DST: variants seen among roughly 807,000 people sequenced by gnomAD.
The protein encoded by DST is bullous pemphigoid antigen.
A neutral mutation model predicts 875.2 loss-of-function variants in DST; 253 were observed. That is an observed-to-expected ratio of 0.29 (90% confidence interval 0.26 to 0.32). DST has a LOEUF of 0.32. Among genes scored for constraint, DST ranks in the 10% least tolerant of loss-of-function variants. DST has a pLI of 1.00. For missense variants in DST, 8,287 were observed against 9,111.6 expected (o/e 0.91, Z 3.68); for synonymous variants, 3,124 against 3,197.1 (o/e 0.98, Z 0.77).
intron 4 of DST, 94 bp from the exon 5 acceptor site, chr6:56,735,383 A>G (rs1459782862): frequency 1.3e-6 from 1 of 789,896 alleles, no homozygotes; most frequent in Non-Finnish European, 2.0e-6. Context: ...GAGATATTTA[A>G]AAGATATGCT....
At position 56,627,235 on chromosome 6, in the gene DST, T is replaced by G. The variant is rs2098743117; in HGVS notation, c.4691A>C (p.Lys1564Thr). The change falls in exon 34 of 104, where the codon AAA (lysine) becomes ACA (threonine). Residue 1564 changes from lysine to threonine, a missense_variant. By Grantham distance (78) the Lys-to-Thr change is moderately conservative (BLOSUM62 -1). This residue lies in a region of DST where 3,138 missense variants were observed against 3,116.6 expected (regional missense o/e 1.01). Transcript: ENST00000680361. ...MKQSKMDECQ[K>T]YAEQYSATVK... ...TGTAGCTGAGTACTGTTCTGCATATTTTTGACACTCGTCCATTTTGCTCTG... is the reference window on the plus strand; with the variant it reads ...TGTAGCTGAGTACTGTTCTGCATATGTTTGACACTCGTCCATTTTGCTCTG... 4 of 1,612,994 alleles carry G rather than the reference T, an allele frequency of 2.5e-6. No homozygotes were observed. The highest frequency in any genetic ancestry group is 3.4e-6 in the Non-Finnish European group (4 of 1,179,474).
chr6:56,471,831 C>A (rs944845819), intron 94 of DST: 7 of 565,960 alleles, frequency 1.2e-5, no homozygotes, highest in African/African-American at 5.6e-5. Context: ...AAAACATAAT[C>A]ATTTTTTTTA....
chr6:56,788,602 G>C (rs1454904735), intron 4 of DST, among the ~76,000 whole-genome samples: 1 of 152,220 alleles, frequency 6.6e-6, no homozygotes, highest in Admixed American at 6.5e-5. Context: ...TTTTGTTACA[G>C]TGGCTACAGC....
At chr6:56,889,059 T>C (rs558698812) in intron 3 of DST, among the ~76,000 whole-genome samples, 85 of 152,304 alleles carry the variant, frequency 5.6e-4, no homozygotes, top group African/African-American at 2.0e-3. Context: ...TATTTCTGAG[T>C]GAAGAGTTGG....
intron 69 of DST, among the ~76,000 whole-genome samples, chr6:56,520,366 G>A (rs143030401): frequency 2.0e-5 from 3 of 152,262 alleles, no homozygotes; most frequent in Admixed American, 6.5e-5. Flanking sequence ...TTATAGAAAT[G>A]GAGAATAGCT....
intron 49 of DST, among the ~76,000 whole-genome samples, chr6:56,582,681 G>C (rs368418971): frequency 7.5e-4 from 113 of 151,478 alleles, no homozygotes; most frequent in African/African-American, 2.5e-3. Context: ...TGCCATGCTG[G>C]TGTGCTGCAC....
intron 55 of DST, among the ~76,000 whole-genome samples, chr6:56,564,502 A>G (rs1328848161): frequency 6.6e-6 from 1 of 152,170 alleles, no homozygotes; most frequent in Non-Finnish European, 1.5e-5. Context: ...TAAATATATA[A>G]TTATGTCATC....
chr6:56,548,378 T>G lies in DST; in HGVS notation c.16608+3806A>C, dbSNP rs1197742596. On this transcript the variant is annotated intron_variant, in intron 61 of 103. Coordinates refer to ENST00000680361, the MANE Select transcript of DST (RefSeq NM_001374736.1). Reference sequence around the variant, plus strand: ...TTAAAGCATCAAGTCTCTTTGATTTTCATTGAAATTAAATCATGCAATATG... The same window carrying G: ...TTAAAGCATCAAGTCTCTTTGATTTGCATTGAAATTAAATCATGCAATATG... 3.3e-5 allele frequency among the ~76,000 whole-genome samples: 5 copies of G among 152,218 alleles called. No homozygotes were observed. The East Asian group carries it at 9.6e-4, about 29-fold the overall frequency.
chr6:56,677,333 T>C (rs1404324758), intron 9 of DST, among the ~76,000 whole-genome samples: 3 of 152,068 alleles, frequency 2.0e-5, no homozygotes, highest in Non-Finnish European at 4.4e-5. Flanking sequence ...TATCCATCTA[T>C]CTGAGATGGG....
intron 72 of DST, among the ~76,000 whole-genome samples, chr6:56,514,082 T>A (rs1443487233): frequency 6.6e-6 from 1 of 152,208 alleles, no homozygotes; most frequent in Non-Finnish European, 1.5e-5. Flanking sequence ...CAATCACAAA[T>A]TTGTTTTGAG....
chr6:56,664,606 A>T (rs1015120041), intron 10 of DST, among the ~76,000 whole-genome samples: 2 of 152,080 alleles, frequency 1.3e-5, no homozygotes, highest in Non-Finnish European at 2.9e-5. Flanking sequence ...TCTTGCTTTT[A>T]ATCTCCTTAC....
chr6:56,473,881 C>T lies in DST; in HGVS notation c.21986G>A (p.Arg7329Gln), dbSNP rs748314662. ...AATTGATCACTGCTTACTTCCTGCT[C>T]GTCCCTTATCCAAGACTGGAATATG... ...QSHIPVLDKG[R>Q]AGRKRFPASS... Residue 7329 changes from arginine (R) to glutamine (Q), a missense_variant, in exon 93 of 104, where the codon CGA (arginine) becomes CAA (glutamine). Around this residue, in one of 10 missense-constraint regions of DST, gnomAD observed 1,292 missense variants for 1,552.7 expected, o/e 0.83. Transcript: ENST00000680361. 2.4e-5 allele frequency: 38 copies of T among 1,598,860 alleles called. No homozygotes were observed. The highest frequency in any genetic ancestry group is 3.2e-5 in the Non-Finnish European group (37 of 1,171,612).
At chr6:56,909,988 C>T (rs1334921168) in intron 2 of DST, among the ~76,000 whole-genome samples, 1 of 152,068 alleles carries the variant, frequency 6.6e-6, no homozygotes, top group Non-Finnish European at 1.5e-5. Flanking sequence ...CTAGAAGATA[C>T]CGTTCTGTTT....
chr6:56,668,469 C>T (rs2099082983), intron 10 of DST, among the ~76,000 whole-genome samples: 2 of 152,066 alleles, frequency 1.3e-5, no homozygotes, highest in Admixed American at 6.6e-5. Context: ...CAGCCAAGCA[C>T]GGTGGCTCAT....
chr6:56,795,623 G>C (rs190808962), intron 4 of DST, among the ~76,000 whole-genome samples: 164 of 152,196 alleles, frequency 1.1e-3, no homozygotes, highest in African/African-American at 3.7e-3. Context: ...CTATGTTTGG[G>C]CTCCACTCCA....
intron 10 of DST, among the ~76,000 whole-genome samples, chr6:56,651,496 CAT>C (rs1385889127): frequency 2.6e-4 from 39 of 152,302 alleles, no homozygotes; most frequent in African/African-American, 8.7e-4. Context: ...ACAAATATAT[CAT>C]AGTCAGAATA....
At chr6:56,811,770 A>T (rs1057286035) in intron 4 of DST, among the ~76,000 whole-genome samples, 1 of 152,104 alleles carries the variant, frequency 6.6e-6, no homozygotes, top group African/African-American at 2.4e-5. Context: ...TTATTAATAG[A>T]TAAAGTGATT....
chr6:56,824,134 G>T (rs992533650), intron 4 of DST, among the ~76,000 whole-genome samples: 4 of 152,096 alleles, frequency 2.6e-5, no homozygotes, highest in African/African-American at 9.7e-5. Flanking sequence ...TCAGCCTGCC[G>T]AGTGCCTGCG....
chr6:56,938,108 C>CTATATATATATATA (rs3031114), intron 2 of DST, among the ~76,000 whole-genome samples: 25 of 120,756 alleles, frequency 2.1e-4, no homozygotes, highest in African/African-American at 7.3e-4. Flanking sequence ...CTCTCTCTCT[C>CTATATATATATATA]TATATATATA....
Sources: gnomAD v4.1 joint callset for allele counts (sites outside exome capture counted in the v4.1 genomes callset) on GRCh38, gnomAD v4.1.1 for gene constraint, gnomAD v4.1.1 regional missense constraint, MANE v1.5 for transcripts, NCBI Gene and HGNC (gene_info 2026-07-23, HGNC 2026-07-21) for gene names.